ZNF487: variants seen among roughly 807,000 people sequenced by gnomAD.
ZNF487 encodes the protein zinc finger protein 487.
Under a neutral mutation model 3.0 loss-of-function variants are expected in ZNF487, and 4 were observed. That is an observed-to-expected ratio of 1.35 (90% CI 0.66 to 3.08). ZNF487 has a LOEUF of 3.08. ZNF487 is among the 30% of genes most tolerant of loss of function. ZNF487 has a pLI of 0.01. For missense variants in ZNF487, 146 were observed against 98.7 expected (o/e 1.48, Z -2.03); for synonymous variants, 55 against 34.6 (o/e 1.59, Z -2.06).
downstream of ZNF487, among the ~76,000 whole-genome samples, chr10:43,484,837 A>G (rs1841458103): frequency 6.6e-6 from 1 of 152,242 alleles, no homozygotes; most frequent in South Asian, 2.1e-4. Flanking sequence ...CATCAATTTT[A>G]ATGAAGACAC....
chr10:43,483,112 C>A lies in ZNF487; in HGVS notation c.*1190C>A, dbSNP rs1202363991. On this transcript the variant is annotated 3_prime_UTR_variant, in exon 4 of 4. Transcript: ENST00000437590. ...GCTCAGAAACCTTCACCTTCTTGGA[C>A]TCGTTCCATAGCAGAAACAACCCAG... 1 of 456,582 alleles carries A rather than the reference C, an allele frequency of 2.2e-6. No homozygotes were observed. The highest frequency in any genetic ancestry group is 4.4e-6 in the Non-Finnish European group (1 of 226,960). 28.3% of individuals were successfully genotyped at this position (456,582 alleles called of 1,614,324 possible).
At chr10:43,519,471 T>G in the ZNF487 span, among the ~76,000 whole-genome samples, 1 of 148,050 alleles carries the variant, frequency 6.8e-6, no homozygotes, top group Admixed American at 6.8e-5. Flanking sequence ...AAATGTAAGT[T>G]TTTTTTTTTT....
chr10:43,507,362 C>T, the ZNF487 span, among the ~76,000 whole-genome samples: 1 of 152,180 alleles, frequency 6.6e-6, no homozygotes, highest in Non-Finnish European at 1.5e-5. Flanking sequence ...GACCACTACT[C>T]CAGGGAGAAT....
chr10:43,504,747 C>T, the ZNF487 span, among the ~76,000 whole-genome samples: 1 of 151,268 alleles, frequency 6.6e-6, no homozygotes, highest in Non-Finnish European at 1.5e-5. Flanking sequence ...GACAGTGTTG[C>T]CCAGGCTGGA....
the ZNF487 span, among the ~76,000 whole-genome samples, chr10:43,515,861 G>C: frequency 6.6e-6 from 1 of 152,032 alleles, no homozygotes; most frequent in Non-Finnish European, 1.5e-5. Context: ...TGCAACCTCT[G>C]CCTCCAGGGT....
intron 1 of ZNF487, among the ~76,000 whole-genome samples, chr10:43,441,649 C>T (rs375645623): frequency 4.0e-5 from 6 of 151,832 alleles, no homozygotes; most frequent in South Asian, 4.2e-4. Context: ...TGCAGTGGTG[C>T]GATCTCGGCT....
downstream of ZNF487, among the ~76,000 whole-genome samples, chr10:43,487,086 A>G (rs1468950295): frequency 6.6e-6 from 1 of 151,760 alleles, no homozygotes; most frequent in African/African-American, 2.4e-5. Flanking sequence ...AGGTCAACAA[A>G]TTTTTCATCA....
chr10:43,466,125 CGA>C (rs1840691986), intron 1 of ZNF487, among the ~76,000 whole-genome samples: 1 of 149,934 alleles, frequency 6.7e-6, no homozygotes, highest in African/African-American at 2.5e-5. Flanking sequence ...TGCAGTGAGC[CGA>C]GATGGCAGCA....
chr10:43,518,261 C>G, the ZNF487 span, among the ~76,000 whole-genome samples: 2 of 152,168 alleles, frequency 1.3e-5, no homozygotes, highest in South Asian at 2.1e-4. Context: ...TTGGAAAAGG[C>G]ATTCAATGAA....
the ZNF487 span, chr10:43,523,748 AAG>A: frequency 6.6e-6 from 1 of 152,324 alleles, no homozygotes; most frequent in South Asian, 2.0e-4. Flanking sequence ...ATGAACAACT[AAG>A]AGCCTTTTCT....
At chr10:43,475,869 G>A in intron 2 of ZNF487, 22 bp downstream of exon 2, 1 of 743,304 alleles carries the variant, frequency 1.3e-6, no homozygotes, top group East Asian at 2.5e-5. Context: ...GTAATTTGCA[G>A]CTTCAAATAA....
the ZNF487 span, among the ~76,000 whole-genome samples, chr10:43,513,676 A>T: frequency 6.6e-6 from 1 of 152,164 alleles, no homozygotes; most frequent in African/African-American, 2.4e-5. Context: ...TCAGGGAGCC[A>T]ATATGGGAGT....
intron 3 of ZNF487, among the ~76,000 whole-genome samples, chr10:43,478,996 A>T (rs187329728): frequency 1.4e-4 from 21 of 148,896 alleles, no homozygotes; most frequent in Admixed American, 1.2e-3. Context: ...TCTCAAAAAA[A>T]TTTTTTTTCT....
chr10:43,521,121 G>A, the ZNF487 span, among the ~76,000 whole-genome samples: 1 of 152,068 alleles, frequency 6.6e-6, no homozygotes, highest in Admixed American at 6.6e-5. Context: ...TTCATGTTCT[G>A]GAAAGTTACC....
chr10:43,516,849 C>T, the ZNF487 span, among the ~76,000 whole-genome samples: 4 of 152,186 alleles, frequency 2.6e-5, no homozygotes, highest in Admixed American at 1.3e-4. Context: ...TCCTTCAATC[C>T]AATCGTTGAC....
intron 1 of ZNF487, among the ~76,000 whole-genome samples, chr10:43,438,563 G>A (rs1314930919): frequency 6.6e-6 from 1 of 152,100 alleles, no homozygotes; most frequent in African/African-American, 2.4e-5. Context: ...AAAACAGTAT[G>A]GCAGTTCCCT....
chr10:43,497,892 G>A, the ZNF487 span, among the ~76,000 whole-genome samples: 3 of 149,962 alleles, frequency 2.0e-5, no homozygotes, highest in African/African-American at 4.9e-5. Flanking sequence ...GCGTGAACCC[G>A]GGAGGCAGAG....
chr10:43,445,395 T>C (rs1186030249), intron 1 of ZNF487, among the ~76,000 whole-genome samples: 1 of 152,292 alleles, frequency 6.6e-6, no homozygotes, highest in East Asian at 1.9e-4. Flanking sequence ...TTATTGGATG[T>C]TAGGCATTGT....
the ZNF487 span, among the ~76,000 whole-genome samples, chr10:43,498,150 T>G: frequency 1.1e-5 from 1 of 87,276 alleles, no homozygotes; most frequent in African/African-American, 4.6e-5. Flanking sequence ...TTTTTTGAGA[T>G]GGAGTCTCAC....
Sources: allele counts gnomAD v4.1 joint callset (sites outside exome capture counted in the v4.1 genomes callset), GRCh38; gene constraint gnomAD v4.1.1; transcripts MANE v1.5; gene names NCBI Gene and HGNC (gene_info 2026-07-23, HGNC 2026-07-21).